The following CFAP97D2 variants were observed in gnomAD, a reference collection of about 807,000 sequenced individuals.
CFAP97D2 encodes CFAP97 domain containing 2, also known as uncharacterized protein CFAP97D2.
In CFAP97D2 at chr13:114,185,459, A is replaced by G. The variant is rs1316795929; in HGVS notation, c.90+6039A>G. The stretch of plus-strand genomic sequence containing the variant: ...ACGGAGCCTGTGGGAGCCAGGAATG[A>G]GTGGGAGCCCCACCCCTTCTGAGTT... On this transcript the variant is annotated intron_variant, in intron 1 of 4. Transcript: ENST00000646158. The surrounding 1 kb of genome is among the most constrained non-coding windows in gnomAD (Gnocchi z 5.2). Among the ~76,000 whole-genome samples the G allele has an allele frequency of 1.3e-5, 2 of 152,142 alleles. No individual in the cohort carries two copies. Among genetic ancestry groups the G allele is most frequent in the African/African-American group, 4.8e-5 (2 of 41,444 alleles).
chr13:114,219,280 G>A (rs1192446437), intron 4 of CFAP97D2, among the ~76,000 whole-genome samples: 13 of 151,972 alleles, frequency 8.6e-5, no homozygotes, highest in East Asian at 1.9e-4. Flanking sequence ...GGCTTTCCCC[G>A]CTCAGTTTTA....
In CFAP97D2 at chr13:114,199,981, T is replaced by G. The variant is rs553433241; in HGVS notation, c.172-344T>G. Among the ~76,000 whole-genome samples the G allele has an allele frequency of 1.4e-4, 7 of 51,150 alleles. 1 individual carries two copies. Among genetic ancestry groups the G allele is most frequent in the Admixed American group, 2.3e-4 (1 of 4,316 alleles). The allele number at this position is 51,150 out of a possible 152,430, so 33.6% of individuals were successfully genotyped here. A position where few individuals can be genotyped will look rare whatever the true frequency, so the allele number is the denominator to read the frequency against. On this transcript the variant is annotated intron_variant, in intron 2 of 4. Transcript: ENST00000646158. Reference sequence around the variant, plus strand: ...GAGGCGTGACGGCGCGTCCCCGTGCTTACGGTCCCCGATGAGGCGTGACGG... The same window carrying G: ...GAGGCGTGACGGCGCGTCCCCGTGCGTACGGTCCCCGATGAGGCGTGACGG...
intron 1 of CFAP97D2, among the ~76,000 whole-genome samples, chr13:114,192,177 A>T (rs2080872090): frequency 1.3e-5 from 2 of 152,146 alleles, no homozygotes; most frequent in African/African-American, 4.8e-5. Flanking sequence ...ATGTGTCCAG[A>T]CTCATAGAAT....
At chr13:114,200,794 G>A (rs79345795) in intron 3 of CFAP97D2, among the ~76,000 whole-genome samples, 1,743 of 152,318 alleles carry the variant, frequency 0.011, 96 homozygotes, top group Admixed American at 0.08. Flanking sequence ...AGTAGGAAAC[G>A]GAGGCACTGG....
At chr13:114,221,428 A>C (rs760688175) in intron 4 of CFAP97D2, among the ~76,000 whole-genome samples, 36 of 152,246 alleles carry the variant, frequency 2.4e-4, no homozygotes, top group Non-Finnish European at 4.1e-4. Context: ...AACAAAACTG[A>C]CAAAAGGTTA....
At chr13:114,218,688 A>G (rs1234731776) in intron 4 of CFAP97D2, among the ~76,000 whole-genome samples, 2 of 152,208 alleles carry the variant, frequency 1.3e-5, no homozygotes, top group Non-Finnish European at 2.9e-5. Context: ...GATATAGACC[A>G]ATGGAACAGA....
intron 1 of CFAP97D2, among the ~76,000 whole-genome samples, chr13:114,188,401 A>C (rs1210236461): frequency 6.6e-6 from 1 of 152,220 alleles, no homozygotes; most frequent in Non-Finnish European, 1.5e-5. Flanking sequence ...GCTGTGCTTC[A>C]AGGGAAATTT....
chr13:114,184,863 A>G (rs1441406554), intron 1 of CFAP97D2, among the ~76,000 whole-genome samples: 2 of 152,262 alleles, frequency 1.3e-5, no homozygotes, highest in Non-Finnish European at 2.9e-5. Context: ...CTAACAGATA[A>G]AAGTTTGTTC....
At chr13:114,197,014 G>A (rs1345106837) in intron 2 of CFAP97D2, among the ~76,000 whole-genome samples, 1 of 152,192 alleles carries the variant, frequency 6.6e-6, no homozygotes, top group African/African-American at 2.4e-5. Context: ...GGAGTGTCTA[G>A]GTTAAGACAA....
intron 1 of CFAP97D2, among the ~76,000 whole-genome samples, chr13:114,192,795 G>T (rs1478299540): frequency 6.6e-6 from 1 of 152,160 alleles, no homozygotes; most frequent in African/African-American, 2.4e-5. Flanking sequence ...ATAGATGCAA[G>T]GGTGATTCCA....
chr13:114,190,004 C>T (rs9562084), intron 1 of CFAP97D2, among the ~76,000 whole-genome samples: 10,130 of 151,906 alleles, frequency 0.067, 683 homozygotes, highest in East Asian at 0.35. Context: ...ATTAGCTAGG[C>T]GGTGGCTCAT....
downstream of CFAP97D2, chr13:114,222,578 C>T (rs2081026209): frequency 2.5e-6 from 1 of 393,394 alleles, no homozygotes; most frequent in Non-Finnish European, 4.5e-6. The surrounding 1 kb of genome is among the most constrained non-coding windows in gnomAD (Gnocchi z 4.4). Context: ...GGATTCAGAA[C>T]ACAAATCCAG....
intron 1 of CFAP97D2, among the ~76,000 whole-genome samples, chr13:114,180,065 T>G (rs1208205401): frequency 6.6e-6 from 1 of 152,242 alleles, no homozygotes; most frequent in Non-Finnish European, 1.5e-5. Flanking sequence ...TGTGGACAAT[T>G]GTTTGAGGGC....
chr13:114,208,447 C>T (rs7998944), intron 3 of CFAP97D2, among the ~76,000 whole-genome samples: 9,927 of 152,220 alleles, frequency 0.065, 551 homozygotes, highest in African/African-American at 0.13. Flanking sequence ...CAAAATAATT[C>T]TTTAACCATG....
At chr13:114,182,947 G>A (rs550388884) in intron 1 of CFAP97D2, among the ~76,000 whole-genome samples, 18 of 152,046 alleles carry the variant, frequency 1.2e-4, no homozygotes, top group South Asian at 8.3e-4. Context: ...CAATGCCCAC[G>A]GTGTCAACTC....
chr13:114,214,649 C>A (rs112139635), intron 4 of CFAP97D2, among the ~76,000 whole-genome samples: 329 of 152,178 alleles, frequency 2.2e-3, no homozygotes, highest in Non-Finnish European at 3.8e-3. Flanking sequence ...TGCAGTGGCG[C>A]GATCTTGGCT....
At chr13:114,192,496 G>T (rs1416389091) in intron 1 of CFAP97D2, among the ~76,000 whole-genome samples, 1 of 152,158 alleles carries the variant, frequency 6.6e-6, no homozygotes, top group African/African-American at 2.4e-5. Context: ...AAACAGACCA[G>T]TTATCAGACA....
At chr13:114,180,979 C>T (rs1236429439) in intron 1 of CFAP97D2, among the ~76,000 whole-genome samples, 1 of 152,178 alleles carries the variant, frequency 6.6e-6, no homozygotes, top group African/African-American at 2.4e-5. Flanking sequence ...CATGAGGCCC[C>T]AGGGGGCATA....
At chr13:114,213,015 A>T (rs575981551) in intron 4 of CFAP97D2, among the ~76,000 whole-genome samples, 51 of 152,340 alleles carry the variant, frequency 3.3e-4, no homozygotes, top group African/African-American at 1.2e-3. Context: ...ATTCAAATTG[A>T]CAAAATTGTA....
Sources: gnomAD v4.1 joint callset for allele counts (sites outside exome capture counted in the v4.1 genomes callset) on GRCh38, gnomAD v4.1.1 for gene constraint, Gnocchi (gnomAD v3.1) non-coding constraint, MANE v1.5 for transcripts, NCBI Gene and HGNC (gene_info 2026-07-23, HGNC 2026-07-21) for gene names.